Variants in RBFOX2 observed in about 807,000 individuals in gnomAD.
RBFOX2 encodes the protein RNA binding fox-1 homolog 2.
RBFOX2 carries 10 observed loss-of-function variants against 49.1 expected under a neutral mutation model. The observed-to-expected ratio is 0.20, with a 90% CI of 0.13 to 0.35. RBFOX2 has a LOEUF of 0.35. Among genes scored for constraint, RBFOX2 ranks in the 10% least tolerant of loss-of-function variants. RBFOX2 has a pLI of 1.00. For synonymous variants in RBFOX2, 183 were observed against 187.4 expected (o/e 0.98, Z 0.19); for missense variants, 323 against 486.9 (o/e 0.66, Z 3.17).
chr22:36,025,290 C>T (rs2059390593), intron 1 of RBFOX2, among the ~76,000 whole-genome samples: 1 of 152,158 alleles, frequency 6.6e-6, no homozygotes, highest in South Asian at 2.1e-4. Context: ...CTACCTGAAC[C>T]CTCTTTCCGA....
chr22:35,882,633 T>C (rs2046056782), intron 1 of RBFOX2, among the ~76,000 whole-genome samples: 1 of 152,176 alleles, frequency 6.6e-6, no homozygotes, highest in African/African-American at 2.4e-5. Context: ...ATCCATGTCC[T>C]AAACAGACTA....
At chr22:35,997,072 A>G (rs1287249125) in intron 1 of RBFOX2, 2 of 152,210 alleles carry the variant, frequency 1.3e-5, no homozygotes, top group Non-Finnish European at 2.9e-5. Context: ...ATACAAACTA[A>G]TATTGATTTA....
chr22:35,874,104 T>A (rs2044708556), intron 1 of RBFOX2, among the ~76,000 whole-genome samples: 1 of 152,200 alleles, frequency 6.6e-6, no homozygotes, highest in Non-Finnish European at 1.5e-5. Flanking sequence ...ACTGCCCATA[T>A]GATGAATTAG....
intron 2 of RBFOX2, among the ~76,000 whole-genome samples, chr22:35,793,537 C>A (rs1437095823): frequency 6.6e-6 from 1 of 152,126 alleles, no homozygotes; most frequent in African/African-American, 2.4e-5. Context: ...TGCTTAGCTA[C>A]TGAAAAATCA....
intron 1 of RBFOX2, among the ~76,000 whole-genome samples, chr22:35,985,165 T>C (rs571548840): frequency 6.8e-4 from 104 of 152,264 alleles, no homozygotes; most frequent in African/African-American, 2.4e-3. Context: ...ACTCTCAGAA[T>C]TGACTCTTGC....
At chr22:35,872,609 C>T (rs747107610) in intron 1 of RBFOX2, among the ~76,000 whole-genome samples, 1 of 152,170 alleles carries the variant, frequency 6.6e-6, no homozygotes, top group Non-Finnish European at 1.5e-5. Context: ...GGCTCTCCTC[C>T]GACTGCCCCA....
intron 1 of RBFOX2, among the ~76,000 whole-genome samples, chr22:35,980,852 T>G (rs775918041): frequency 6.6e-6 from 1 of 152,168 alleles, no homozygotes; most frequent in Non-Finnish European, 1.5e-5. Context: ...CAGGAAAGGC[T>G]TCCTTGAAAA....
In RBFOX2 at chr22:35,759,572, T is replaced by C. The variant is rs987538274; in HGVS notation, c.887+316A>G. ...GGTTCTCTGCAGTAATGTTAATCCA[T>C]ATTCGTGCGCTTCTGAGTGAACTTC... is the stretch of plus-strand genomic sequence containing the variant. On this transcript the variant is annotated intron_variant, in intron 9 of 11. Transcript: ENST00000405409. The surrounding 1 kb of genome is among the most constrained non-coding windows in gnomAD (Gnocchi z 4.6). Among the ~76,000 whole-genome samples, 6 of 152,160 alleles carry C rather than the reference T, an allele frequency of 3.9e-5. No individual in the cohort carries two copies. Among genetic ancestry groups the C allele is most frequent in the African/African-American group, 9.7e-5 (4 of 41,422 alleles).
chr22:35,864,003 T>A (rs948325166), intron 1 of RBFOX2, among the ~76,000 whole-genome samples: 9 of 152,236 alleles, frequency 5.9e-5, no homozygotes, highest in Non-Finnish European at 1.3e-4. Flanking sequence ...AAACTTCTTC[T>A]GCTTCTCAGA....
chr22:36,024,006 C>T (rs544812862), intron 1 of RBFOX2, among the ~76,000 whole-genome samples: 44 of 152,182 alleles, frequency 2.9e-4, no homozygotes, highest in Non-Finnish European at 5.6e-4. Flanking sequence ...TGGAATCTAA[C>T]GCTTAGCACT....
chr22:35,881,505 C>G (rs1161140064), intron 1 of RBFOX2, among the ~76,000 whole-genome samples: 1 of 151,672 alleles, frequency 6.6e-6, no homozygotes, highest in Non-Finnish European at 1.5e-5. Context: ...TAGCTTGAAT[C>G]CAGGAGATTG....
intron 4 of RBFOX2, among the ~76,000 whole-genome samples, chr22:35,773,540 T>C (rs543298508): frequency 6.6e-6 from 1 of 152,208 alleles, no homozygotes; most frequent in South Asian, 2.1e-4. Flanking sequence ...CCTGAAAATA[T>C]GTACATCTAA....
chr22:35,986,191 GCA>G (rs2057716218), intron 1 of RBFOX2, among the ~76,000 whole-genome samples: 1 of 152,100 alleles, frequency 6.6e-6, no homozygotes, highest in Non-Finnish European at 1.5e-5. Flanking sequence ...CAACCCATGT[GCA>G]CACACAGACA....
intron 1 of RBFOX2, among the ~76,000 whole-genome samples, chr22:35,970,807 C>T (rs560590825): frequency 1.3e-5 from 2 of 152,140 alleles, no homozygotes; most frequent in Non-Finnish European, 2.9e-5. Context: ...TCCTAATAAG[C>T]TCACATTTAC....
chr22:35,796,572 T>C (rs1948827379), intron 2 of RBFOX2, among the ~76,000 whole-genome samples: 1 of 152,156 alleles, frequency 6.6e-6, no homozygotes, highest in Admixed American at 6.5e-5. Context: ...ACTTGACAAG[T>C]GGTACTTTCT....
At chr22:36,023,740 C>T (rs2146561597) in intron 1 of RBFOX2, among the ~76,000 whole-genome samples, 1 of 152,202 alleles carries the variant, frequency 6.6e-6, no homozygotes, top group African/African-American at 2.4e-5. Flanking sequence ...TTGTCACTTC[C>T]CTCCTACTCT....
intron 1 of RBFOX2, among the ~76,000 whole-genome samples, chr22:35,929,744 C>G (rs908679751): frequency 3.3e-5 from 5 of 152,026 alleles, no homozygotes; most frequent in Admixed American, 3.3e-4. Flanking sequence ...CCTCGGCCTC[C>G]CAAAGTACTG....
At chr22:35,821,199 G>A (rs1201991985) in intron 1 of RBFOX2, among the ~76,000 whole-genome samples, 1 of 152,118 alleles carries the variant, frequency 6.6e-6, no homozygotes, top group African/African-American at 2.4e-5. Context: ...TTTCCAGAGT[G>A]TTTTTGGTAA....
chr22:35,778,390 G>T (rs1403403324), intron 3 of RBFOX2, among the ~76,000 whole-genome samples: 1 of 152,072 alleles, frequency 6.6e-6, no homozygotes, highest in East Asian at 1.9e-4. Context: ...AACAGTCTCA[G>T]ATTTAAAAAG....
Sources: allele counts gnomAD v4.1 joint callset (sites outside exome capture counted in the v4.1 genomes callset), GRCh38; gene constraint gnomAD v4.1.1; non-coding constraint Gnocchi (gnomAD v3.1); transcripts MANE v1.5; gene names NCBI Gene and HGNC (gene_info 2026-07-23, HGNC 2026-07-21).